The following NLRC5 variants were observed in gnomAD, a reference collection of about 807,000 sequenced individuals.
NLRC5 encodes NLR family CARD domain containing 5, also known as protein NLRC5.
A neutral mutation model predicts 206.9 loss-of-function variants in NLRC5; 114 were observed. The ratio of observed to expected loss-of-function variants is 0.55; its 90% CI spans 0.47 to 0.64. NLRC5 has a LOEUF of 0.64. Ranked by LOEUF, NLRC5 falls within the 30% of genes least tolerant of loss-of-function variation. NLRC5 has a pLI of 0.00. For synonymous variants in NLRC5, 952 were observed against 962.8 expected, an observed-to-expected ratio of 0.99 and a Z score of 0.21; for missense variants, 2,008 against 2,305.5, an observed-to-expected ratio of 0.87 and a Z score of 2.64.
At chr16:57,045,887 G>T (rs191179952) in intron 21 of NLRC5, among the ~76,000 whole-genome samples, 3 of 152,372 alleles carry the variant, frequency 2.0e-5, no homozygotes, top group Admixed American at 2.0e-4. Context: ...GGCAGGGGCC[G>T]TGGGTGCTCT....
intron 13 of NLRC5, chr16:57,034,466 C>T (rs2062272150): frequency 1.8e-6 from 1 of 553,694 alleles, no homozygotes; most frequent in Non-Finnish European, 3.2e-6. Flanking sequence ...GCATTCACTC[C>T]TCACATCTCT....
intron 20 of NLRC5, among the ~76,000 whole-genome samples, chr16:57,045,002 T>A (rs1244092966): frequency 3.3e-5 from 5 of 152,036 alleles, no homozygotes; most frequent in African/African-American, 1.2e-4. Context: ...CCATGGAGTT[T>A]GAGACCAGCC....
At chr16:57,038,625 T>C (rs1156928582) in intron 15 of NLRC5, among the ~76,000 whole-genome samples, 6 of 152,034 alleles carry the variant, frequency 3.9e-5, no homozygotes, top group Non-Finnish European at 7.4e-5. Context: ...TTTCAAGATA[T>C]GCAATGGCAG....
chr16:57,067,301 A>G, intron 34 of NLRC5, 86 bp from the exon 35 acceptor site: 1 of 1,064,328 alleles, frequency 9.4e-7, no homozygotes, highest in Non-Finnish European at 1.5e-6. Flanking sequence ...ATTTACCCCT[A>G]CACCATAAGC....
chr16:57,082,688 A>C lies in NLRC5; in HGVS notation c.*160A>C. ...GTGTGTCCTGCTGCAGTCCTCAGGGAGAACTTTTTTGGGAACCAGGAGCTG... is the reference window on the plus strand; with the variant it reads ...GTGTGTCCTGCTGCAGTCCTCAGGGCGAACTTTTTTGGGAACCAGGAGCTG... On this transcript the variant is annotated 3_prime_UTR_variant, in exon 49 of 49. Coordinates refer to ENST00000688547, the MANE Select transcript of NLRC5 (RefSeq NM_001384950.1). 1 of 582,040 alleles carries C rather than the reference A, an allele frequency of 1.7e-6. No homozygotes were observed. The highest frequency in any genetic ancestry group is 3.0e-6 in the Non-Finnish European group (1 of 332,024). The allele number at this position is 582,040 out of a possible 1,614,324, so 36.1% of individuals were successfully genotyped here.
intron 23 of NLRC5, 91 bp from the exon 24 acceptor site, chr16:57,051,447 G>A (rs1024870663): frequency 1.0e-5 from 9 of 896,608 alleles, no homozygotes; most frequent in Admixed American, 1.8e-5. Flanking sequence ...CCCTGGTTAG[G>A]TCCCATCTCC....
chr16:57,074,852 A>T (rs557342502), intron 39 of NLRC5, among the ~76,000 whole-genome samples, 169 bp downstream of exon 39: 1 of 152,104 alleles, frequency 6.6e-6, no homozygotes, highest in East Asian at 1.9e-4. Context: ...CTTGCCTTCT[A>T]ATGCCATCAG....
chr16:57,051,681 C>T, intron 24 of NLRC5, 60 bp downstream of exon 24: 4 of 1,373,030 alleles, frequency 2.9e-6, no homozygotes, highest in Non-Finnish European at 3.1e-6. Flanking sequence ...AAGGCTCCTC[C>T]ATGGCAAAGC....
chr16:57,077,476 C>A, intron 41 of NLRC5, 97 bp downstream of exon 41: 3 of 1,195,402 alleles, frequency 2.5e-6, no homozygotes, highest in Non-Finnish European at 3.6e-6. Context: ...AAAATCTCCC[C>A]TGCGCCAACC....
In NLRC5 at chr16:57,026,243, A is replaced by G. The variant is rs2061260096; in HGVS notation, c.1300A>G (p.Asn434Asp). Residue 434 changes from asparagine (N) to aspartate (D), a missense_variant, in exon 6 of 49, where the codon AAC (asparagine) becomes GAC (aspartate). Physicochemically the swap from Asn to Asp is conservative, Grantham distance 23 (BLOSUM62 1). Transcript: ENST00000688547. ...APGQSVALLPNMTQLYMQMVL... is the reference protein window; with the variant it reads ...APGQSVALLPDMTQLYMQMVL... ...AGGCCAGTCTGTGGCCCTCCTGCCC[A>G]ACATGACTCAGCTCTATATGCAGAT... 1.9e-6 allele frequency: 3 copies of G among 1,613,798 alleles called. No homozygotes were observed. Among genetic ancestry groups the G allele is most frequent in the African/African-American group, 1.3e-5 (1 of 74,948 alleles).
At chr16:57,040,271 C>G (rs1175765884) in intron 16 of NLRC5, among the ~76,000 whole-genome samples, 7 of 152,216 alleles carry the variant, frequency 4.6e-5, no homozygotes, top group African/African-American at 1.7e-4. Flanking sequence ...AGACTCAGCT[C>G]TTTGCTCCCG....
intron 1 of NLRC5, among the ~76,000 whole-genome samples, chr16:56,992,882 T>A (rs1007457725): frequency 6.6e-6 from 1 of 152,176 alleles, no homozygotes; most frequent in Non-Finnish European, 1.5e-5. Flanking sequence ...TCTTATTATA[T>A]CATGTTTTAA....
At position 57,039,866 on chromosome 16, in the gene NLRC5, C is replaced by T. The variant is rs753490459; in HGVS notation, c.2870+17C>T. The T allele has an allele frequency of 2.5e-6, 4 of 1,607,302 alleles. No homozygotes were observed. The highest frequency in any genetic ancestry group is 1.7e-5 in the Admixed American group (1 of 59,980). ...CCAGGAGAGGTAGGGCCCGATTTCA[C>T]CCCAACTCCATGCTCAGTCAGGGAC... On this transcript the variant is annotated intron_variant, in intron 16 of 48. Transcript: ENST00000688547.
chr16:57,052,530 C>G (rs1489785545), intron 24 of NLRC5: 1 of 151,688 alleles, frequency 6.6e-6, no homozygotes, highest in Non-Finnish European at 1.5e-5. Context: ...TTACTTTAAA[C>G]AGTCTTCTAG....
chr16:57,068,468 A>T (rs527729623), intron 36 of NLRC5, among the ~76,000 whole-genome samples: 1 of 151,072 alleles, frequency 6.6e-6, no homozygotes, highest in Non-Finnish European at 1.5e-5. Flanking sequence ...CCCTTTGCCA[A>T]TCTTTTTCCA....
chr16:57,021,655 G>C (rs1319488091), intron 3 of NLRC5, among the ~76,000 whole-genome samples: 1 of 152,192 alleles, frequency 6.6e-6, no homozygotes, highest in Non-Finnish European at 1.5e-5. Context: ...ATAGATGTGA[G>C]CCATCACACC....
rs1453082450 is a variant in NLRC5, at chr16:57,058,159, A to G, written c.3830+11A>G. On this transcript the variant is annotated intron_variant, in intron 28 of 48. Transcript: ENST00000688547. ...CTCCGGTTTGCTTGAGTAAGTGGAAAGCAGCATAAAGGACAGATAGCAAGG... is the reference window on the plus strand; with the variant it reads ...CTCCGGTTTGCTTGAGTAAGTGGAAGGCAGCATAAAGGACAGATAGCAAGG... 13 of 1,600,414 alleles carry G rather than the reference A, an allele frequency of 8.1e-6. No individual in the cohort carries two copies. In the Admixed American group the frequency reaches 8.5e-5, roughly 10 times the overall value.
At chr16:57,076,635 C>T (rs1232802445) in intron 39 of NLRC5, among the ~76,000 whole-genome samples, 184 bp from the exon 40 acceptor site, 1 of 152,234 alleles carries the variant, frequency 6.6e-6, no homozygotes, top group Non-Finnish European at 1.5e-5. Flanking sequence ...CTCACCTGGA[C>T]ACTGGGGACA....
At chr16:57,015,910 AAT>A (rs2060020188) in intron 1 of NLRC5, among the ~76,000 whole-genome samples, 1 of 134,244 alleles carries the variant, frequency 7.4e-6, no homozygotes, top group African/African-American at 2.7e-5. Flanking sequence ...GGGCAACAAG[AAT>A]GAAACTCCAT....
Sources: gnomAD v4.1 joint callset for allele counts (sites outside exome capture counted in the v4.1 genomes callset) on GRCh38, gnomAD v4.1.1 for gene constraint, MANE v1.5 for transcripts, NCBI Gene and HGNC (gene_info 2026-07-23, HGNC 2026-07-21) for gene names.